Variants in PYROXD2 observed in about 807,000 individuals in gnomAD.
The protein encoded by PYROXD2 is pyridine nucleotide-disulphide oxidoreductase domain 2.
Under a neutral mutation model 71.1 loss-of-function variants are expected in PYROXD2, and 69 were observed. The observed-to-expected ratio is 0.97, with a 90% CI of 0.80 to 1.19. The LOEUF (loss-of-function observed/expected upper bound fraction) is 1.19. Ranked by LOEUF, PYROXD2 falls within the 50% of genes most tolerant of loss-of-function variation. The pLI is 0.00. For synonymous variants in PYROXD2, 287 were observed against 302.7 expected (o/e 0.95, Z 0.54); for missense variants, 745 against 748.9 (o/e 0.99, Z 0.06).
intron 5 of PYROXD2, among the ~76,000 whole-genome samples, chr10:98,397,906 G>T (rs1390368796): frequency 7.3e-5 from 9 of 123,410 alleles, no homozygotes; most frequent in African/African-American, 2.5e-4. Context: ...TTTTTGAGAT[G>T]GAGTCTTGCT....
intron 4 of PYROXD2, among the ~76,000 whole-genome samples, chr10:98,401,184 C>A (rs1843386921): frequency 7.0e-6 from 1 of 142,770 alleles, no homozygotes; most frequent in Non-Finnish European, 1.5e-5. Flanking sequence ...ACCTGGAAGG[C>A]AGAGGTTGCA....
intron 7 of PYROXD2, 29 bp downstream of exon 7, chr10:98,395,362 G>A (rs752560108): frequency 1.9e-6 from 3 of 1,613,268 alleles, no homozygotes; most frequent in Non-Finnish European, 2.5e-6. Context: ...TCACTGCCTG[G>A]TCGGGCCTGA....
At chr10:98,388,252 C>T (rs534739826) in intron 13 of PYROXD2, 102 bp downstream of exon 13, 4 of 1,184,844 alleles carry the variant, frequency 3.4e-6, no homozygotes, top group African/African-American at 1.5e-5. Flanking sequence ...TGGAATGGCA[C>T]CTGCAGTTGT....
At chr10:98,398,290 G>A (rs1244540901) in intron 5 of PYROXD2, among the ~76,000 whole-genome samples, 1 of 152,092 alleles carries the variant, frequency 6.6e-6, no homozygotes, top group East Asian at 1.9e-4. Flanking sequence ...TGCAGTCACA[G>A]AAGCCTGCCT....
chr10:98,399,331 T>G (rs762636663), intron 5 of PYROXD2, among the ~76,000 whole-genome samples: 3 of 152,200 alleles, frequency 2.0e-5, no homozygotes, highest in Non-Finnish European at 4.4e-5. Flanking sequence ...TAGGTTCTTC[T>G]TATAAAAATG....
chr10:98,405,071 T>C (rs1028483370), intron 4 of PYROXD2, among the ~76,000 whole-genome samples: 2 of 152,002 alleles, frequency 1.3e-5, no homozygotes, highest in Non-Finnish European at 2.9e-5. Flanking sequence ...GAAGGTGGCT[T>C]ATGGCTGAAG....
intron 4 of PYROXD2, among the ~76,000 whole-genome samples, chr10:98,407,221 G>T (rs1843627318): frequency 6.6e-6 from 1 of 152,160 alleles, no homozygotes; most frequent in African/African-American, 2.4e-5. Flanking sequence ...AGAGAGGGAA[G>T]CAGCTCTCAA....
chr10:98,408,129 G>A lies in PYROXD2; in HGVS notation c.148-132C>T, dbSNP rs577195656. On this transcript the variant is annotated intron_variant, in intron 2 of 15. Coordinates refer to ENST00000370575, the MANE Select transcript of PYROXD2 (RefSeq NM_032709.3). Reference sequence around the variant, plus strand: ...CCACACCCCATGGCCTCCCTGCCCCGCTCATGCTGTTCCTGCCTCTGGGAA... The same window carrying A: ...CCACACCCCATGGCCTCCCTGCCCCACTCATGCTGTTCCTGCCTCTGGGAA... The A allele has an allele frequency of 8.9e-5, 65 of 733,636 alleles. No individual in the cohort carries two copies. The East Asian group carries it at 1.0e-3, about 12-fold the overall frequency. 45.4% of individuals were successfully genotyped at this position (733,636 alleles called of 1,614,324 possible). A position where few individuals can be genotyped will look rare whatever the true frequency, so the allele number is the denominator to read the frequency against.
At chr10:98,390,889 G>A in intron 11 of PYROXD2, 121 bp downstream of exon 11, 1 of 1,355,320 alleles carries the variant, frequency 7.4e-7, no homozygotes, top group South Asian at 1.2e-5. Flanking sequence ...CAGGCTGCAG[G>A]GGGACACAGG....
rs960066058 is a variant in PYROXD2 at position 98,395,404 on chromosome 10, G to A, written c.674C>T (p.Ala225Val). The A allele has an allele frequency of 4.3e-6, 7 of 1,614,078 alleles. No homozygotes were observed. The highest frequency in any genetic ancestry group is 5.9e-6 in the Non-Finnish European group (7 of 1,179,994). ...GGAACCACTCACCTTGGTAATGGGA[G>A]CTGTGAGGACCTCATAATATCGGGG... ...QLPRYYEVLT[A>V]PITKVLDQWF... is the part of the protein sequence containing the mutation. The change falls in exon 7 of 16, where the codon GCT becomes GTT. Residue 225 changes from alanine (A) to valine (V), a missense_variant. Transcript: ENST00000370575.
Position 98,387,257 on chromosome 10 carries a change from C to T in PYROXD2, c.1498G>A (p.Gly500Ser), listed in dbSNP as rs773065184. ...YAPGFKDSVVGRDILTPPDLE... is the reference protein window; with the variant it reads ...YAPGFKDSVVSRDILTPPDLE... Reference sequence around the variant, plus strand: ...TCTGGTGGTGTGAGGATGTCTCTGCCAACCACAGAGTCCTTGAAGCCAGGG... The same window carrying T: ...TCTGGTGGTGTGAGGATGTCTCTGCTAACCACAGAGTCCTTGAAGCCAGGG... Residue 500 changes from glycine to serine, a missense_variant, in exon 14 of 16, where the codon GGC (glycine) becomes AGC (serine). Physicochemically the swap from Gly to Ser is moderately conservative, Grantham distance 56. Coordinates refer to ENST00000370575, the MANE Select transcript of PYROXD2 (RefSeq NM_032709.3). 1.2e-6 allele frequency: 2 copies of T among 1,614,130 alleles called. No individual in the cohort carries two copies. The highest frequency in any genetic ancestry group is 1.7e-6 in the Non-Finnish European group (2 of 1,180,022).
chr10:98,385,517 C>T (rs980132777), intron 14 of PYROXD2, among the ~76,000 whole-genome samples: 28 of 152,366 alleles, frequency 1.8e-4, no homozygotes, highest in African/African-American at 6.5e-4. Flanking sequence ...AGCCCGAGCA[C>T]GGTTCTGCCC....
At chr10:98,414,074 CAT>C (rs941669207) in intron 1 of PYROXD2, 13 of 151,952 alleles carry the variant, frequency 8.6e-5, no homozygotes, top group Admixed American at 2.0e-4. Context: ...TATATATACA[CAT>C]ATATGTGTGT....
chr10:98,406,274 G>C (rs1027883614), intron 4 of PYROXD2, among the ~76,000 whole-genome samples: 1 of 152,194 alleles, frequency 6.6e-6, no homozygotes, highest in Non-Finnish European at 1.5e-5. Flanking sequence ...TAAAGAAAGA[G>C]AATAATCAAG....
chr10:98,406,858 C>T (rs1014077599), intron 4 of PYROXD2, among the ~76,000 whole-genome samples: 4 of 140,454 alleles, frequency 2.8e-5, no homozygotes, highest in Admixed American at 7.5e-5. Context: ...CGCCACCGTA[C>T]TCCAGCCTGG....
intron 9 of PYROXD2, among the ~76,000 whole-genome samples, 158 bp downstream of exon 9, chr10:98,392,784 C>T (rs1453624659): frequency 6.6e-6 from 1 of 152,218 alleles, no homozygotes. Context: ...GGGTGGTTAG[C>T]CACTAACAGA....
intron 5 of PYROXD2, among the ~76,000 whole-genome samples, chr10:98,399,457 G>A (rs147876416): frequency 1.4e-3 from 216 of 152,268 alleles, no homozygotes; most frequent in African/African-American, 5.0e-3. Context: ...GGGCCCTTAC[G>A]GAACTCAGTG....
At chr10:98,402,575 C>A (rs1250703484) in intron 4 of PYROXD2, among the ~76,000 whole-genome samples, 1 of 152,240 alleles carries the variant, frequency 6.6e-6, no homozygotes, top group Non-Finnish European at 1.5e-5. Context: ...AGCACATCCA[C>A]TTCTTCAAAG....
intron 4 of PYROXD2, among the ~76,000 whole-genome samples, chr10:98,405,305 G>A (rs974464625): frequency 5.3e-5 from 8 of 152,168 alleles, no homozygotes; most frequent in African/African-American, 1.9e-4. Flanking sequence ...CGGGTCAGTG[G>A]AGGGTGCTTT....
Sources: allele counts gnomAD v4.1 joint callset (sites outside exome capture counted in the v4.1 genomes callset), GRCh38; gene constraint gnomAD v4.1.1; transcripts MANE v1.5; gene names NCBI Gene and HGNC (gene_info 2026-07-23, HGNC 2026-07-21).